RPTOR: variants seen among roughly 807,000 people sequenced by gnomAD.
RPTOR encodes regulatory associated protein of MTOR complex 1, also known as regulatory-associated protein of mTOR.
RPTOR carries 21 observed loss-of-function variants against 169.9 expected under a neutral mutation model. That is an observed-to-expected ratio of 0.12 (90% CI 0.09 to 0.18). The LOEUF (loss-of-function observed/expected upper bound fraction) is 0.18, where lower values mean the gene tolerates loss of function less well. Ranked by LOEUF, RPTOR falls within the 10% of genes least tolerant of loss-of-function variation. RPTOR has a pLI of 1.00. For missense variants in RPTOR, 1,133 were observed against 1,855.9 expected (o/e 0.61, Z 7.16); for synonymous variants, 732 against 753.2 (o/e 0.97, Z 0.46).
chr17:80,634,340 CTG>C (rs1253426010), intron 2 of RPTOR, among the ~76,000 whole-genome samples: 4 of 108,004 alleles, frequency 3.7e-5, no homozygotes, highest in South Asian at 3.0e-4. Context: ...CGTGTGCGTA[CTG>C]TGTGCATGTG....
At chr17:80,846,039 TTGAAAAAGATTCACA>T (rs1275227576) in intron 10 of RPTOR, among the ~76,000 whole-genome samples, 1 of 152,174 alleles carries the variant, frequency 6.6e-6, no homozygotes, top group Admixed American at 6.5e-5. Flanking sequence ...CTCACTTAAC[TTGAAAAAGATTCACA>T]CACCATGACT....
chr17:80,873,441 A>G (rs988608479), intron 13 of RPTOR, among the ~76,000 whole-genome samples: 2 of 152,180 alleles, frequency 1.3e-5, no homozygotes, highest in Non-Finnish European at 2.9e-5. Flanking sequence ...ACTAATAAAG[A>G]CTAATAATGC....
chr17:80,710,274 G>T (rs538440762), intron 4 of RPTOR, among the ~76,000 whole-genome samples: 1 of 151,956 alleles, frequency 6.6e-6, no homozygotes, highest in South Asian at 2.1e-4. Context: ...GGATTACAGC[G>T]TGAGCCACTG....
At chr17:80,605,500 C>T (rs1250104955) in intron 1 of RPTOR, among the ~76,000 whole-genome samples, 1 of 152,114 alleles carries the variant, frequency 6.6e-6, no homozygotes, top group Non-Finnish European at 1.5e-5. Context: ...GTTGAGGAAA[C>T]CGTGTCTCAG....
chr17:80,835,256 C>CT (rs1247382110), intron 9 of RPTOR, among the ~76,000 whole-genome samples: 2 of 152,056 alleles, frequency 1.3e-5, no homozygotes, highest in Admixed American at 6.5e-5. Context: ...TAAACTTTTA[C>CT]TTTTTTTTCT....
chr17:80,802,878 C>T (rs1387289625), intron 7 of RPTOR: 2 of 152,358 alleles, frequency 1.3e-5, no homozygotes, highest in Non-Finnish European at 2.9e-5. Context: ...GTCGCATAAC[C>T]GGGATGAGGC....
chr17:80,566,956 A>G (rs186721966), intron 1 of RPTOR, among the ~76,000 whole-genome samples: 38 of 150,960 alleles, frequency 2.5e-4, no homozygotes, highest in Admixed American at 4.6e-4. Flanking sequence ...TATGTTCTCT[A>G]TTAGCTTATT....
chr17:80,547,968 T>C (rs1194147392), intron 1 of RPTOR, among the ~76,000 whole-genome samples: 1 of 146,714 alleles, frequency 6.8e-6, no homozygotes, highest in East Asian at 1.9e-4. Flanking sequence ...TCAGCAAACT[T>C]TTTTTTTCTT....
At chr17:80,570,378 A>T (rs1383261893) in intron 1 of RPTOR, among the ~76,000 whole-genome samples, 1 of 152,172 alleles carries the variant, frequency 6.6e-6, no homozygotes, top group African/African-American at 2.4e-5. Context: ...CAAATGAAAG[A>T]AAGTGCCAGA....
At chr17:80,904,079 G>A (rs933526945) in intron 20 of RPTOR, among the ~76,000 whole-genome samples, 16 of 152,220 alleles carry the variant, frequency 1.1e-4, no homozygotes, top group Admixed American at 2.0e-4. Context: ...CCGCCCACCC[G>A]GCCCGGGAGG....
chr17:80,922,831 A>G lies in RPTOR; in HGVS notation c.2624+4A>G, dbSNP rs767300293. Reference sequence around the variant, plus strand: ...GCGTGCACATCCACCAGGCGGGGTAAGTGCCGCCCGCTCAGCCTGCAGGTC... The same window carrying G: ...GCGTGCACATCCACCAGGCGGGGTAGGTGCCGCCCGCTCAGCCTGCAGGTC... On this transcript the variant is annotated splice_donor_region_variant and intron_variant, in intron 22 of 33. Coordinates refer to ENST00000306801, the MANE Select transcript of RPTOR (RefSeq NM_020761.3). 1.9e-6 allele frequency: 3 copies of G among 1,554,542 alleles called. No homozygotes were observed. Among genetic ancestry groups the G allele is most frequent in the South Asian group, 2.4e-5 (2 of 85,036 alleles).
At chr17:80,631,393 C>T (rs1263916907) in intron 2 of RPTOR, among the ~76,000 whole-genome samples, 4 of 152,092 alleles carry the variant, frequency 2.6e-5, no homozygotes, top group African/African-American at 7.2e-5. Flanking sequence ...TGTGCCTGGA[C>T]CCCCTGTGTT....
chr17:80,804,331 T>A (rs1320747221), intron 7 of RPTOR: 1 of 152,260 alleles, frequency 6.6e-6, no homozygotes, highest in Non-Finnish European at 1.5e-5. Flanking sequence ...AAGAGATCTC[T>A]ACGATTATTT....
intron 9 of RPTOR, among the ~76,000 whole-genome samples, chr17:80,834,940 T>G (rs749003024): frequency 3.3e-5 from 5 of 152,250 alleles, no homozygotes; most frequent in Non-Finnish European, 7.3e-5. Flanking sequence ...AACTTTTTAT[T>G]TGATTAAATT....
intron 1 of RPTOR, among the ~76,000 whole-genome samples, chr17:80,568,677 C>T (rs1444529589): frequency 6.6e-6 from 1 of 152,158 alleles, no homozygotes; most frequent in African/African-American, 2.4e-5. Context: ...CTTGTTCCTC[C>T]TCAATCTTCC....
intron 10 of RPTOR, among the ~76,000 whole-genome samples, chr17:80,841,287 G>GCTCACTCTCACCACACGGCAC (rs1199454277): frequency 0.58 from 3,337 of 5,728 alleles, 1,466 homozygotes; most frequent in African/African-American, 0.69. Context: ...CCGCACGGCA[G>GCTCACTCTCACCACACGGCAC]CTCACTCTCA....
rs1404217155 is a variant in RPTOR at position 80,651,917 on chromosome 17, A to T, written c.348+8107A>T. Reference sequence around the variant, plus strand: ...CAGTTACTCAGGAGGCTGAGGCAGGAGAATGGCATGAACCCGGGAGGTGGA... The same window carrying T: ...CAGTTACTCAGGAGGCTGAGGCAGGTGAATGGCATGAACCCGGGAGGTGGA... On this transcript the variant is annotated intron_variant, in intron 3 of 33. Coordinates refer to ENST00000306801, the MANE Select transcript of RPTOR (RefSeq NM_020761.3). The surrounding 1 kb of genome is among the most constrained non-coding windows in gnomAD (Gnocchi z 4.1). Among the ~76,000 whole-genome samples the T allele has an allele frequency of 6.6e-6, 1 of 152,128 alleles. No individual in the cohort carries two copies. Among genetic ancestry groups the T allele is most frequent in the East Asian group, 1.9e-4 (1 of 5,178 alleles).
intron 1 of RPTOR, among the ~76,000 whole-genome samples, chr17:80,614,489 A>G (rs1472688656): frequency 6.6e-6 from 1 of 152,208 alleles, no homozygotes; most frequent in Non-Finnish European, 1.5e-5. Context: ...TTGCCTTTGC[A>G]GGCCTGTGTC....
At chr17:80,821,934 G>T (rs1412653197) in intron 7 of RPTOR, among the ~76,000 whole-genome samples, 1 of 152,194 alleles carries the variant, frequency 6.6e-6, no homozygotes, top group Admixed American at 6.5e-5. Context: ...GACCAGCTGG[G>T]CTTGGTCTGT....
Sources: gnomAD v4.1 joint callset for allele counts (sites outside exome capture counted in the v4.1 genomes callset) on GRCh38, gnomAD v4.1.1 for gene constraint, Gnocchi (gnomAD v3.1) non-coding constraint, MANE v1.5 for transcripts, NCBI Gene and HGNC (gene_info 2026-07-23, HGNC 2026-07-21) for gene names.